Variants in PRXL2A observed in about 807,000 individuals in gnomAD.
The protein encoded by PRXL2A is peroxiredoxin like 2A, also known as peroxiredoxin-like 2A.
PRXL2A carries 26 observed loss-of-function variants against 25.6 expected under a neutral mutation model. The ratio of observed to expected loss-of-function variants is 1.02; its 90% CI spans 0.74 to 1.41. The LOEUF is 1.41. Ranked by LOEUF, PRXL2A falls within the 40% of genes most tolerant of loss-of-function variation. The probability of loss-of-function intolerance (pLI) is 0.00; values close to 1 mark genes in which losing one functional copy is unlikely to be tolerated. For missense variants in PRXL2A, 246 were observed against 273.9 expected, an observed-to-expected ratio of 0.90 and a Z score of 0.72; for synonymous variants, 98 against 102.9, an observed-to-expected ratio of 0.95 and a Z score of 0.29.
rs562923797 is a variant in PRXL2A, at chr10:80,409,919, A to G, written c.-3+1276A>G. ...CTTGTCCAGGTTTATACAGCTTGCAAGAATTAAAGTTAGATATTATTCTTG... is the reference window on the plus strand; with the variant it reads ...CTTGTCCAGGTTTATACAGCTTGCAGGAATTAAAGTTAGATATTATTCTTG... On this transcript the variant is annotated intron_variant, in intron 1 of 5. Coordinates refer to ENST00000606162, the MANE Select transcript of PRXL2A (RefSeq NM_032333.5). 7.3e-4 allele frequency among the ~76,000 whole-genome samples: 111 copies of G among 152,366 alleles called. 1 individual carries two copies. Among genetic ancestry groups the G allele is most frequent in the African/African-American group, 2.5e-3 (106 of 41,590 alleles).
intron 1 of PRXL2A, among the ~76,000 whole-genome samples, chr10:80,409,367 C>G (rs1844403089): frequency 6.6e-6 from 1 of 152,160 alleles, no homozygotes; most frequent in Non-Finnish European, 1.5e-5. Flanking sequence ...CCCAGCCGGT[C>G]CAGGGCTGTG....
upstream of PRXL2A, chr10:80,408,479 GC>G (rs1844343104): frequency 6.6e-6 from 1 of 152,474 alleles, no homozygotes; most frequent in South Asian, 2.1e-4. Context: ...CCCACGGGGG[GC>G]GGGGCGGGTC....
chr10:80,424,448 T>C (rs951020009), intron 3 of PRXL2A, among the ~76,000 whole-genome samples: 1 of 144,806 alleles, frequency 6.9e-6, no homozygotes, highest in Non-Finnish European at 1.5e-5. Flanking sequence ...GCCAGGCATG[T>C]TGGTGTGCAC....
chr10:80,415,331 A>T (rs1333225101), intron 1 of PRXL2A, among the ~76,000 whole-genome samples: 1 of 152,154 alleles, frequency 6.6e-6, no homozygotes, highest in Non-Finnish European at 1.5e-5. Flanking sequence ...TGAGGTCTGG[A>T]TCTTGTACCC....
chr10:80,429,078 A>G (rs1209560380), intron 5 of PRXL2A, among the ~76,000 whole-genome samples: 1 of 151,708 alleles, frequency 6.6e-6, no homozygotes, highest in Middle Eastern at 3.4e-3. Flanking sequence ...ATTTTTTTGT[A>G]TTTTCAGTAG....
At chr10:80,426,101 G>A in intron 4 of PRXL2A, 95 bp downstream of exon 4, 1 of 1,505,248 alleles carries the variant, frequency 6.6e-7, no homozygotes, top group Non-Finnish European at 9.1e-7. Flanking sequence ...GCCTGGAGCT[G>A]GAGGCTGGCC....
intron 3 of PRXL2A, among the ~76,000 whole-genome samples, chr10:80,425,189 T>C (rs1307856392): frequency 6.6e-6 from 1 of 152,222 alleles, no homozygotes; most frequent in Non-Finnish European, 1.5e-5. Flanking sequence ...TTACCATGAC[T>C]CATGCAGTTT....
At chr10:80,423,324 G>C (rs1401282305) in intron 3 of PRXL2A, among the ~76,000 whole-genome samples, 1 of 152,220 alleles carries the variant, frequency 6.6e-6, no homozygotes, top group African/African-American at 2.4e-5. Flanking sequence ...AGAGTGGTTA[G>C]TGGTCTGTTT....
intron 1 of PRXL2A, among the ~76,000 whole-genome samples, chr10:80,411,324 G>C (rs749695408): frequency 4.6e-5 from 7 of 152,248 alleles, no homozygotes; most frequent in Non-Finnish European, 8.8e-5. Flanking sequence ...GGGAGAGGCT[G>C]ATGATGTTCT....
intron 5 of PRXL2A, among the ~76,000 whole-genome samples, chr10:80,429,565 T>G (rs1845168970): frequency 1.4e-5 from 1 of 72,954 alleles, no homozygotes; most frequent in Non-Finnish European, 2.7e-5. Context: ...TAGCCTCTCC[T>G]GCCCTGCCCT....
intron 2 of PRXL2A, among the ~76,000 whole-genome samples, chr10:80,421,966 T>G (rs1474053727): frequency 6.6e-6 from 1 of 152,222 alleles, no homozygotes; most frequent in Non-Finnish European, 1.5e-5. Flanking sequence ...CCAAAGCATT[T>G]TATTCCTAGG....
At chr10:80,431,856 C>A in intron 5 of PRXL2A, 130 bp from the exon 6 acceptor site, 1 of 692,472 alleles carries the variant, frequency 1.4e-6, no homozygotes. Context: ...AGGGCAGGAG[C>A]CAGGCCATAT....
At chr10:80,414,311 G>C (rs1844575236) in intron 1 of PRXL2A, among the ~76,000 whole-genome samples, 2 of 152,268 alleles carry the variant, frequency 1.3e-5, no homozygotes, top group African/African-American at 4.8e-5. Flanking sequence ...TGCTATAGCT[G>C]TGTCAGGTGG....
rs568417838 is a variant in PRXL2A at position 80,430,975 on chromosome 10, C to CGCCTCCCA, written c.577-1001_577-994dup. 1.8e-4 allele frequency among the ~76,000 whole-genome samples: 27 copies of CGCCTCCCA among 152,220 alleles called. No homozygotes were observed. The South Asian group carries it at 5.6e-3, about 32-fold the overall frequency. On this transcript the variant is annotated intron_variant, in intron 5 of 5. Transcript: ENST00000606162. Reference sequence around the variant, plus strand: ...CGCGATCTCGGCTCACTGCAACCTCCGCCTCCCAGCCTCCCAGGTTCAAGG... The same window carrying CGCCTCCCA: ...CGCGATCTCGGCTCACTGCAACCTCCGCCTCCCAGCCTCCCAGCCTCCCAGGTTCAAGG...
At chr10:80,414,800 A>G (rs17617406) in intron 1 of PRXL2A, among the ~76,000 whole-genome samples, 17,863 of 152,250 alleles carry the variant, frequency 0.12, 1,264 homozygotes, top group South Asian at 0.31. Context: ...AAATTAGGCC[A>G]TTACTGACAG....
chr10:80,426,239 C>T (rs1362160929), intron 4 of PRXL2A, among the ~76,000 whole-genome samples: 1 of 152,248 alleles, frequency 6.6e-6, no homozygotes, highest in Non-Finnish European at 1.5e-5. Flanking sequence ...ACTTAACGAT[C>T]TTTCAGCTTT....
In PRXL2A at chr10:80,420,626, C is replaced by T; in HGVS notation, c.159C>T (p.Asp53=). The stretch of plus-strand genomic sequence containing the variant: ...CCCTGGAGTACCTGGAGGATATAGA[C>T]CTGAAAACACTGGAGAAGGGTAAGT... ...KAALEYLEDI[D]LKTLEKEPRT... Residue 53 remains aspartate (D), a synonymous_variant, in exon 2 of 6, where the codon GAC becomes GAT. Transcript: ENST00000606162. 6.2e-7 allele frequency: 1 copy of T among 1,609,394 alleles called. No individual in the cohort carries two copies. The highest frequency in any genetic ancestry group is 8.5e-7 in the Non-Finnish European group (1 of 1,177,034).
At position 80,434,288 on chromosome 10, in the gene PRXL2A, C is replaced by A. The variant is rs996672859; in HGVS notation, c.*2189C>A. The A allele has an allele frequency of 2.6e-5, 4 of 152,126 alleles. No homozygotes were observed. Among genetic ancestry groups the A allele is most frequent in the African/African-American group, 4.8e-5 (2 of 41,410 alleles). The allele number at this position is 152,126 out of a possible 1,614,324, so 9.4% of individuals were successfully genotyped here. A position where few individuals can be genotyped will look rare whatever the true frequency, so the allele number is the denominator to read the frequency against. On this transcript the variant is annotated 3_prime_UTR_variant, in exon 6 of 6. Coordinates refer to ENST00000606162, the MANE Select transcript of PRXL2A (RefSeq NM_032333.5). ...TTAGCATGTCATTTTGGAAAGAGCA[C>A]TGGATTGAGTCATGAGGCATAATCA...
rs184626580 is a variant in PRXL2A, at chr10:80,425,426, A to C, written c.271-440A>C. Among the ~76,000 whole-genome samples, 11 of 152,366 alleles carry C rather than the reference A, an allele frequency of 7.2e-5. No individual in the cohort carries two copies. The East Asian group carries it at 2.1e-3, about 29-fold the overall frequency. On this transcript the variant is annotated intron_variant, in intron 3 of 5. Coordinates refer to ENST00000606162, the MANE Select transcript of PRXL2A (RefSeq NM_032333.5). The stretch of plus-strand genomic sequence containing the variant: ...AGACAACACTCAACTTAGTGGTAAC[A>C]TGCAGACTCAGTACAGAAAATGTCA...
Sources: gnomAD v4.1 joint callset for allele counts (sites outside exome capture counted in the v4.1 genomes callset) on GRCh38, gnomAD v4.1.1 for gene constraint, MANE v1.5 for transcripts, NCBI Gene and HGNC (gene_info 2026-07-23, HGNC 2026-07-21) for gene names.